EVI5: variants seen among roughly 807,000 people sequenced by gnomAD.
EVI5 encodes ecotropic viral integration site 5, also known as ecotropic viral integration site 5 protein homolog.
In EVI5, 73 loss-of-function variants were observed where a neutral mutation model predicts 112.0. That is an observed-to-expected ratio of 0.65 (90% confidence interval 0.54 to 0.79). The LOEUF is 0.79. Ranked by LOEUF, EVI5 falls within the 30% of genes least tolerant of loss-of-function variation. The pLI is 0.00. For synonymous variants in EVI5, 305 were observed against 319.9 expected, an observed-to-expected ratio of 0.95 and a Z score of 0.50; for missense variants, 900 against 968.8, an observed-to-expected ratio of 0.93 and a Z score of 0.94.
intron 1 of EVI5, among the ~76,000 whole-genome samples, chr1:92,775,628 CT>C (rs1266045092): frequency 1.3e-5 from 2 of 152,088 alleles, no homozygotes; most frequent in African/African-American, 2.4e-5. Flanking sequence ...TATTATCTAG[CT>C]TTGTCTAAGT....
At chr1:92,592,742 C>A (rs966993923) in intron 18 of EVI5, among the ~76,000 whole-genome samples, 1 of 152,162 alleles carries the variant, frequency 6.6e-6, no homozygotes, top group Non-Finnish European at 1.5e-5. Context: ...GGGGATATCA[C>A]CACCGATCCC....
chr1:92,634,652 GTCGTCTGAAGCCTTCTTCTCTCAAC>G (rs1458678302), intron 14 of EVI5, among the ~76,000 whole-genome samples: 1 of 151,866 alleles, frequency 6.6e-6, no homozygotes, highest in African/African-American at 2.4e-5. Context: ...GAGTAGTTTG[GTCGTCTGAAGCCTTCTTCTCTCAAC>G]TCGTCAAAGT....
rs200063630 is a variant in EVI5 at position 92,513,510 on chromosome 1, AATATATATAT to A, written c.*136_*145del. 261 of 172,626 alleles carry A rather than the reference AATATATATAT, an allele frequency of 1.5e-3. No homozygotes were observed. The highest frequency in any genetic ancestry group is 2.9e-3 in the Admixed American group (35 of 12,122). 10.7% of individuals were successfully genotyped at this position (172,626 alleles called of 1,614,324 possible). ...GATAAAAAGGCAGATAAGACTGTAAAATATATATATATATATATATATATATATATATATA... is the reference window on the plus strand; with the variant it reads ...GATAAAAAGGCAGATAAGACTGTAAAATATATATATATATATATATATATA... On this transcript the variant is annotated 3_prime_UTR_variant, in exon 20 of 20. Coordinates refer to ENST00000684568, the MANE Select transcript of EVI5 (RefSeq NM_001350197.2).
At chr1:92,733,263 T>C (rs969898620) in intron 2 of EVI5, 61 of 195,018 alleles carry the variant, frequency 3.1e-4, no homozygotes, top group African/African-American at 1.3e-3. Context: ...CTTGGAATAG[T>C]CATTCAAGGA....
At chr1:92,592,939 AC>A (rs1276004075) in intron 18 of EVI5, among the ~76,000 whole-genome samples, 2 of 152,170 alleles carry the variant, frequency 1.3e-5, no homozygotes, top group African/African-American at 4.8e-5. Flanking sequence ...TAGCTTACCA[AC>A]CAAAAAAAGT....
At chr1:92,652,605 A>C (rs780206410) in intron 13 of EVI5, among the ~76,000 whole-genome samples, 46 of 152,242 alleles carry the variant, frequency 3.0e-4, no homozygotes, top group Non-Finnish European at 6.3e-4. Context: ...TTATTGCAAC[A>C]CTACTCACAA....
intron 18 of EVI5, among the ~76,000 whole-genome samples, chr1:92,587,668 G>T (rs930428174): frequency 6.6e-6 from 1 of 152,182 alleles, no homozygotes; most frequent in Non-Finnish European, 1.5e-5. Flanking sequence ...AAGAGTGGTT[G>T]GGGTATTGCC....
At chr1:92,738,430 C>T (rs1432641238) in intron 1 of EVI5, among the ~76,000 whole-genome samples, 2 of 152,192 alleles carry the variant, frequency 1.3e-5, no homozygotes, top group Non-Finnish European at 2.9e-5. Context: ...TTCAAATATA[C>T]TTACAATTTT....
intron 18 of EVI5, among the ~76,000 whole-genome samples, chr1:92,569,068 T>C (rs1211108717): frequency 6.6e-6 from 1 of 152,188 alleles, no homozygotes; most frequent in African/African-American, 2.4e-5. Flanking sequence ...TTTAATTCTC[T>C]TGTGGAGCTC....
chr1:92,713,361 A>G (rs1673125825), intron 2 of EVI5, among the ~76,000 whole-genome samples: 1 of 151,392 alleles, frequency 6.6e-6, no homozygotes, highest in African/African-American at 2.4e-5. Context: ...AATATGGTCG[A>G]CCATACTAGA....
intron 18 of EVI5, among the ~76,000 whole-genome samples, chr1:92,592,563 T>A (rs970096624): frequency 6.6e-6 from 1 of 151,994 alleles, no homozygotes; most frequent in South Asian, 2.1e-4. Flanking sequence ...AAGAAATAAC[T>A]AAGATCGGAG....
chr1:92,608,336 T>C (rs1464770908), intron 16 of EVI5, among the ~76,000 whole-genome samples: 1 of 151,722 alleles, frequency 6.6e-6, no homozygotes, highest in East Asian at 1.9e-4. Context: ...GCAATGGGAG[T>C]ACAAAATGGA....
In EVI5 at chr1:92,707,080, G is replaced by A. The variant is rs183434091; in HGVS notation, c.150-2336C>T. 4.1e-3 allele frequency among the ~76,000 whole-genome samples: 619 copies of A among 151,434 alleles called. 2 individuals are homozygous for A. Among genetic ancestry groups the A allele is most frequent in the Non-Finnish European group, 6.9e-3 (470 of 67,902 alleles). Reference sequence around the variant, plus strand: ...TGTAATCTCAGCTACTAGGGAGGCTGAGGCAGGAGAATTGCTTGAACCTGG... The same window carrying A: ...TGTAATCTCAGCTACTAGGGAGGCTAAGGCAGGAGAATTGCTTGAACCTGG... On this transcript the variant is annotated intron_variant, in intron 2 of 19. Transcript: ENST00000684568.
At chr1:92,760,039 A>G (rs774426753) in intron 1 of EVI5, among the ~76,000 whole-genome samples, 1 of 152,230 alleles carries the variant, frequency 6.6e-6, no homozygotes, top group Non-Finnish European at 1.5e-5. Context: ...AGAAACTGCC[A>G]AAAGCAATTA....
At chr1:92,592,974 C>T (rs1321388536) in intron 18 of EVI5, among the ~76,000 whole-genome samples, 2 of 152,254 alleles carry the variant, frequency 1.3e-5, no homozygotes, top group South Asian at 2.1e-4. Context: ...GATTCACAGC[C>T]GAATTCTACC....
At chr1:92,514,806 A>AT (rs1340525679) in intron 19 of EVI5, among the ~76,000 whole-genome samples, 2 of 152,240 alleles carry the variant, frequency 1.3e-5, no homozygotes, top group Admixed American at 1.3e-4. Context: ...CTTAAAAACC[A>AT]TACTATCACA....
chr1:92,698,934 T>C (rs1558098704), intron 5 of EVI5, among the ~76,000 whole-genome samples: 3 of 152,186 alleles, frequency 2.0e-5, no homozygotes, highest in Non-Finnish European at 4.4e-5. Flanking sequence ...TCAGAATACT[T>C]AGGCAAATAA....
rs1469875474 is a variant in EVI5 at position 92,662,711 on chromosome 1, C to CT, written c.1392+7dup. The CT allele has an allele frequency of 8.1e-7, 1 of 1,237,650 alleles. No individual in the cohort carries two copies. The highest frequency in any genetic ancestry group is 1.4e-5 in the South Asian group (1 of 72,530). The allele number at this position is 1,237,650 out of a possible 1,614,324, so 76.7% of individuals were successfully genotyped here. A position where few individuals can be genotyped will look rare whatever the true frequency, so the allele number is the denominator to read the frequency against. On this transcript the variant is annotated splice_region_variant and intron_variant, in intron 13 of 19. Coordinates refer to ENST00000684568, the MANE Select transcript of EVI5 (RefSeq NM_001350197.2). ...GAAAGATGAGAAAAGCACTACCAGA[C>CT]TCCTTACCCATTGTTGTTGGTGCTG... is the stretch of plus-strand genomic sequence containing the variant.
intron 16 of EVI5, among the ~76,000 whole-genome samples, chr1:92,611,125 C>A (rs1557896312): frequency 3.1e-5 from 1 of 32,462 alleles, no homozygotes; most frequent in African/African-American, 1.3e-4. Context: ...AAATAAATCC[C>A]CCCAAAAAAA....
Sources: gnomAD v4.1 joint callset for allele counts (sites outside exome capture counted in the v4.1 genomes callset) on GRCh38, gnomAD v4.1.1 for gene constraint, MANE v1.5 for transcripts, NCBI Gene and HGNC (gene_info 2026-07-23, HGNC 2026-07-21) for gene names.